URGCP: variants seen among roughly 807,000 people sequenced by gnomAD.
URGCP encodes the protein upregulator of cell proliferation, also known as up-regulator of cell proliferation.
Under a neutral mutation model 24.6 loss-of-function variants are expected in URGCP, and 13 were observed. That is an observed-to-expected ratio of 0.53 (90% CI 0.34 to 0.84). The LOEUF is 0.84. Among genes scored for constraint, URGCP ranks in the 40% least tolerant of loss-of-function variants. The pLI is 0.01. For synonymous variants in URGCP, 444 were observed against 487.2 expected (o/e 0.91, Z 1.17); for missense variants, 899 against 1,194.3 (o/e 0.75, Z 3.64).
At position 43,921,182 on chromosome 7, in the gene URGCP, C is replaced by T. The variant is rs148212200; in HGVS notation, c.-116+4950G>A. On this transcript the variant is annotated intron_variant, in intron 1 of 5. Transcript: ENST00000426198. ...CTATTAAATATACAAAAAAATTAGC[C>T]GGGCGTGGTGGTGGGCACCTGTAGT... 5.2e-3 allele frequency among the ~76,000 whole-genome samples: 798 copies of T among 152,030 alleles called. 9 individuals carry two copies. The highest frequency in any genetic ancestry group is 0.017 in the African/African-American group (704 of 41,498).
intron 1 of URGCP, among the ~76,000 whole-genome samples, chr7:43,892,667 C>G (rs1040479548): frequency 6.6e-6 from 1 of 152,090 alleles, no homozygotes; most frequent in Non-Finnish European, 1.5e-5. Flanking sequence ...CACACCCTAT[C>G]TCCAAAAAAG....
chr7:43,901,198 G>T (rs1160234323), intron 1 of URGCP, among the ~76,000 whole-genome samples: 2 of 152,188 alleles, frequency 1.3e-5, no homozygotes, highest in African/African-American at 4.8e-5. Flanking sequence ...AAATTTAAAA[G>T]AACATTCCCT....
chr7:43,903,230 A>G (rs2095894854), intron 1 of URGCP, among the ~76,000 whole-genome samples: 1 of 152,220 alleles, frequency 6.6e-6, no homozygotes, highest in Admixed American at 6.5e-5. Flanking sequence ...TCTGGCATGG[A>G]AAGAATTTCA....
rs2095847281 is a variant in URGCP, at chr7:43,877,720, T to C, written c.1743A>G (p.Arg581=). The C allele has an allele frequency of 6.2e-7, 1 of 1,612,022 alleles. No homozygotes were observed. Among genetic ancestry groups the C allele is most frequent in the Non-Finnish European group, 8.5e-7 (1 of 1,179,292 alleles). The part of the protein sequence containing the change: ...EWGLARVAQP[R]LRQPPETLLT... ...GAAGCGTCTCCGGAGGCTGTCTCAG[T>C]CGCGGCTGGGCCACCCGTGCCAGGC... The change falls in exon 6 of 6, where the codon CGA becomes CGG. Residue 581 remains arginine, a synonymous_variant. Coordinates refer to ENST00000453200, the MANE Select transcript of URGCP (RefSeq NM_001077663.3).
In URGCP at chr7:43,878,856, C is replaced by T. The variant is rs1281931813; in HGVS notation, c.607G>A (p.Ala203Thr). ...SSDSFLQQEI[A>T]LKMALCQFAL... ...AACTGGCAGAGGGCCATTTTCAACG[C>T]TATTTCTTGTTGCAGGAAACTGTCT... The change falls in exon 6 of 6, where the codon GCG becomes ACG. Residue 203 changes from alanine to threonine, a missense_variant. Coordinates refer to ENST00000453200, the MANE Select transcript of URGCP (RefSeq NM_001077663.3). The surrounding 1 kb of genome is among the most constrained non-coding windows in gnomAD (Gnocchi z 5.6). 3 of 1,614,202 alleles carry T rather than the reference C, an allele frequency of 1.9e-6. No individual in the cohort carries two copies. The highest frequency in any genetic ancestry group is 1.1e-5 in the South Asian group (1 of 91,082).
At chr7:43,907,279 A>G (rs2095905062), upstream of URGCP, among the ~76,000 whole-genome samples, 1 of 152,130 alleles carries the variant, frequency 6.6e-6, no homozygotes, top group South Asian at 2.1e-4. Context: ...CTAAGTGAAA[A>G]TGCTTAATAA....
Position 43,876,494 on chromosome 7 carries a change from C to A in URGCP, c.*173G>T. The A allele has an allele frequency of 1.4e-6, 1 of 689,896 alleles. No individual in the cohort carries two copies. Among genetic ancestry groups the A allele is most frequent in the Non-Finnish European group, 2.4e-6 (1 of 412,178 alleles). 42.7% of individuals were successfully genotyped at this position (689,896 alleles called of 1,614,324 possible). On this transcript the variant is annotated 3_prime_UTR_variant, in exon 6 of 6. Transcript: ENST00000453200. ...ATCTCTGAGCTGGTCTGTGAGGTCA[C>A]TTCCTCTTTTAACACTGTTGAGGAG...
At chr7:43,918,255 T>C (rs1008901471) in intron 1 of URGCP, among the ~76,000 whole-genome samples, 15 of 116,350 alleles carry the variant, frequency 1.3e-4, no homozygotes, top group South Asian at 2.6e-4. Flanking sequence ...GCCTGGGCAA[T>C]AGACCTCAAA....
chr7:43,900,252 C>T (rs560736086), intron 1 of URGCP, among the ~76,000 whole-genome samples: 1 of 151,662 alleles, frequency 6.6e-6, no homozygotes, highest in South Asian at 2.1e-4. Context: ...GTCAGCGGTT[C>T]GAGACCAACC....
chr7:43,897,412 G>A (rs1354765027), intron 1 of URGCP, among the ~76,000 whole-genome samples: 2 of 152,028 alleles, frequency 1.3e-5, no homozygotes, highest in Non-Finnish European at 2.9e-5. Flanking sequence ...GGGGAAGACT[G>A]CCGCAGGCAT....
Position 43,876,865 on chromosome 7 carries a change from G to A in URGCP, c.2598C>T (p.Ala866=). The part of the protein sequence containing the change: ...GDGFRALAGL[A]FCDPEKQHIW... ...TGTGCTGCTTCTCAGGGTCGCAGAAGGCCAGGCCTGCCAGTGCCCGGAAGC... is the reference window on the plus strand; with the variant it reads ...TGTGCTGCTTCTCAGGGTCGCAGAAAGCCAGGCCTGCCAGTGCCCGGAAGC... The change falls in exon 6 of 6, where the codon GCC becomes GCT. Residue 866 remains alanine, a synonymous_variant. Transcript: ENST00000453200. The A allele has an allele frequency of 1.9e-6, 3 of 1,614,084 alleles. No individual in the cohort carries two copies. Among genetic ancestry groups the A allele is most frequent in the Non-Finnish European group, 2.5e-6 (3 of 1,180,026 alleles).
chr7:43,905,737 G>A (rs1334535184), intron 1 of URGCP: 1 of 152,122 alleles, frequency 6.6e-6, no homozygotes, highest in Non-Finnish European at 1.5e-5. Context: ...ATGACCTTGA[G>A]CCTAATTTCT....
intron 1 of URGCP, among the ~76,000 whole-genome samples, chr7:43,916,672 G>A (rs1410503698): frequency 1.3e-5 from 2 of 149,972 alleles, no homozygotes; most frequent in Non-Finnish European, 3.0e-5. Flanking sequence ...AGAAGATAAG[G>A]CATATATGGG....
chr7:43,911,990 C>A (rs1223375939), intron 1 of URGCP, among the ~76,000 whole-genome samples: 2 of 151,454 alleles, frequency 1.3e-5, no homozygotes, highest in Non-Finnish European at 2.9e-5. Context: ...AAAAAAAACA[C>A]AGGAAATTAG....
At chr7:43,879,612 A>C in intron 5 of URGCP, 1 of 211,278 alleles carries the variant, frequency 4.7e-6, no homozygotes, top group Non-Finnish European at 9.5e-6. Flanking sequence ...TGAGCTCAAA[A>C]TTAATTGGCT....
chr7:43,895,872 G>A (rs1000269745), intron 1 of URGCP, among the ~76,000 whole-genome samples: 31 of 152,170 alleles, frequency 2.0e-4, no homozygotes, highest in Non-Finnish European at 3.2e-4. Flanking sequence ...GTGTGTCAAA[G>A]GAATATGTGC....
At chr7:43,908,174 C>T (rs928686997), upstream of URGCP, among the ~76,000 whole-genome samples, 1 of 152,156 alleles carries the variant, frequency 6.6e-6, no homozygotes, top group Admixed American at 6.5e-5. Context: ...CTCCACTTCC[C>T]GGGTTCAAGC....
intron 1 of URGCP, among the ~76,000 whole-genome samples, chr7:43,901,055 A>G (rs1025479153): frequency 6.6e-6 from 1 of 152,232 alleles, no homozygotes; most frequent in Non-Finnish European, 1.5e-5. Flanking sequence ...AGCCAGGCCT[A>G]GGAGCCCTCC....
chr7:43,923,753 C>T (rs912458307), intron 1 of URGCP, among the ~76,000 whole-genome samples: 1 of 152,166 alleles, frequency 6.6e-6, no homozygotes, highest in African/African-American at 2.4e-5. Flanking sequence ...ATTATTATTT[C>T]AAACATTTTC....
Sources: gnomAD v4.1 joint callset for allele counts (sites outside exome capture counted in the v4.1 genomes callset) on GRCh38, gnomAD v4.1.1 for gene constraint, Gnocchi (gnomAD v3.1) non-coding constraint, MANE v1.5 for transcripts, NCBI Gene and HGNC (gene_info 2026-07-23, HGNC 2026-07-21) for gene names.